The following TUG1 variants were observed in gnomAD, a reference collection of about 807,000 sequenced individuals.
The protein encoded by TUG1 is taurine upregulated gene 1.
At chr22:30,972,613 T>C (rs910733612) in intron 1 of TUG1, 1 of 152,560 alleles carries the variant, frequency 6.6e-6, no homozygotes, top group Admixed American at 6.5e-5. Flanking sequence ...TAAGGCTTAG[T>C]TTCTGTGTGC....
At chr22:30,977,613 G>A (rs923530439) in exon 3 of TUG1, 12 of 152,130 alleles carry the variant, frequency 7.9e-5, no homozygotes, top group Non-Finnish European at 1.5e-4. Context: ...CTTCCTTATT[G>A]ATCTGCTGGT....
chr22:30,970,984 G>A (rs1412451646), exon 1 of TUG1: 2 of 152,204 alleles, frequency 1.3e-5, no homozygotes, highest in African/African-American at 4.8e-5. Flanking sequence ...ATACTAGGAT[G>A]TCCAAGATGC....
exon 1 of TUG1, chr22:30,970,692 G>C (rs993363485): frequency 6.6e-6 from 1 of 152,204 alleles, no homozygotes; most frequent in African/African-American, 2.4e-5. Context: ...TGTCTAGGCT[G>C]TGTGGTTGGT....
At chr22:30,977,247 A>G (rs188524843) in exon 3 of TUG1, 30 of 152,330 alleles carry the variant, frequency 2.0e-4, no homozygotes, top group Non-Finnish European at 3.7e-4. Flanking sequence ...GATCTCATCT[A>G]AATCTTTGAA....
At position 30,978,229 on chromosome 22, in the gene TUG1, G is replaced by A. The variant is rs915614251; in HGVS notation, c.*5754G>A. On this transcript the variant is annotated 3_prime_UTR_variant, in exon 3 of 3. Coordinates refer to ENST00000644773, the Ensembl canonical transcript of TUG1. ...CATGACCACTGAGTTTGCTTGTGTT[G>A]AAACTGTGGTTTCATCCAACATATG... 5 of 152,282 alleles carry A rather than the reference G, an allele frequency of 3.3e-5. No homozygotes were observed. In the East Asian group the frequency reaches 9.6e-4, roughly 29 times the overall value. 9.4% of individuals were successfully genotyped at this position (152,282 alleles called of 1,614,324 possible).
exon 1 of TUG1, chr22:30,970,424 C>T (rs924729099): frequency 1.3e-5 from 2 of 152,214 alleles, no homozygotes; most frequent in African/African-American, 2.4e-5. Context: ...CCCTGCTTGG[C>T]TTCTATTCTG....
chr22:30,974,268 A>T (rs1327146373), intron 2 of TUG1: 4 of 151,008 alleles, frequency 2.6e-5, no homozygotes, highest in Admixed American at 2.0e-4. Context: ...CCCAGTCTAC[A>T]TTGAGGTATA....
At chr22:30,974,257 C>T (rs190235499) in intron 2 of TUG1, 1 of 151,674 alleles carries the variant, frequency 6.6e-6, no homozygotes, top group African/African-American at 2.4e-5. Flanking sequence ...ATGGCCCTTC[C>T]CCCAGTCTAC....
chr22:30,979,363 CTT>C (rs1039525180), exon 3 of TUG1: 10 of 152,168 alleles, frequency 6.6e-5, no homozygotes, highest in African/African-American at 2.4e-4. Flanking sequence ...TATTTTTAAA[CTT>C]TATTTTAAAT....
At chr22:30,976,132 T>G (rs1266308000) in exon 3 of TUG1, 1 of 144,224 alleles carries the variant, frequency 6.9e-6, no homozygotes, top group Non-Finnish European at 1.5e-5. Flanking sequence ...TTCTCCAGAA[T>G]TATTATGACT....
exon 3 of TUG1, chr22:30,976,493 G>A (rs1375036452): frequency 2.6e-5 from 4 of 152,188 alleles, no homozygotes; most frequent in African/African-American, 9.6e-5. Context: ...AGACTTAAGA[G>A]CTTTTGTCCT....
exon 2 of TUG1, chr22:30,972,999 G>A (rs1212237866): frequency 6.5e-6 from 1 of 153,156 alleles, no homozygotes; most frequent in African/African-American, 2.4e-5. Flanking sequence ...ACCCATTCCA[G>A]TGGACCACTG....
At chr22:30,974,505 T>C (rs1216996568) in intron 2 of TUG1, 1 of 152,184 alleles carries the variant, frequency 6.6e-6, no homozygotes, top group Non-Finnish European at 1.5e-5. Flanking sequence ...GCTTCCTGAT[T>C]GCCAGCAGAT....
chr22:30,974,345 C>T (rs1217231762), intron 2 of TUG1: 1 of 108,934 alleles, frequency 9.2e-6, no homozygotes, highest in African/African-American at 4.0e-5. Flanking sequence ...ATTCAGAAGT[C>T]TGAAAAAAAA....
exon 3 of TUG1, chr22:30,977,616 C>G (rs940288875): frequency 6.6e-6 from 1 of 152,204 alleles, no homozygotes; most frequent in African/African-American, 2.4e-5. Context: ...CCTTATTGAT[C>G]TGCTGGTTCT....
exon 3 of TUG1, chr22:30,978,876 A>G (rs2041317908): frequency 6.6e-6 from 1 of 152,166 alleles, no homozygotes; most frequent in Admixed American, 6.5e-5. Flanking sequence ...TGTTACTTGA[A>G]ATTGAATCCA....
exon 3 of TUG1, chr22:30,977,020 C>G (rs2147370992): frequency 6.6e-6 from 1 of 152,228 alleles, no homozygotes; most frequent in South Asian, 2.1e-4. Flanking sequence ...TTTTTCCTCT[C>G]TGGTTTTTCC....
At chr22:30,970,092 C>T (rs2041210767) in exon 1 of TUG1, 1 of 152,138 alleles carries the variant, frequency 6.6e-6, no homozygotes, top group African/African-American at 2.4e-5. Flanking sequence ...TTCCCCAATC[C>T]TTGGGTTTTG....
exon 3 of TUG1, chr22:30,976,063 TAAAAAAAA>T (rs34985621): frequency 7.2e-6 from 1 of 138,746 alleles, no homozygotes; most frequent in African/African-American, 2.7e-5. Context: ...TAATAAGCTT[TAAAAAAAA>T]AAAAAAAAAA....
Sources: gnomAD v4.1 joint callset for allele counts on GRCh38, gnomAD v4.1.1 for gene constraint, MANE v1.5 for transcripts, NCBI Gene and HGNC (gene_info 2026-07-23, HGNC 2026-07-21) for gene names.